SRGAP1: variants seen among roughly 807,000 people sequenced by gnomAD.
The protein encoded by SRGAP1 is SLIT-ROBO Rho GTPase activating protein 1.
In SRGAP1, 43 loss-of-function variants were observed where a neutral mutation model predicts 121.9. The ratio of observed to expected loss-of-function variants is 0.35; its 90% confidence interval spans 0.28 to 0.46. The LOEUF (loss-of-function observed/expected upper bound fraction) is 0.46. Among genes scored for constraint, SRGAP1 ranks in the 20% least tolerant of loss-of-function variants. The pLI, the probability that SRGAP1 is intolerant of heterozygous loss-of-function variation, is 1.00. For synonymous variants in SRGAP1, 447 were observed against 485.4 expected, an observed-to-expected ratio of 0.92 and a Z score of 1.04; for missense variants, 1,102 against 1,350.9, an observed-to-expected ratio of 0.82 and a Z score of 2.89.
chr12:64,041,889 A>ATTATTATTATTC (rs1181224625), intron 4 of SRGAP1, among the ~76,000 whole-genome samples: 1 of 144,066 alleles, frequency 6.9e-6, no homozygotes, highest in African/African-American at 2.6e-5. Context: ...TATTATTATT[A>ATTATTATTATTC]TTATTATTAT....
chr12:64,065,911 A>G (rs2035531934), intron 8 of SRGAP1, among the ~76,000 whole-genome samples: 1 of 152,242 alleles, frequency 6.6e-6, no homozygotes, highest in African/African-American at 2.4e-5. Flanking sequence ...AATGAATAGA[A>G]TATAAAATAT....
At chr12:63,939,324 C>T (rs923399186) in intron 1 of SRGAP1, among the ~76,000 whole-genome samples, 1 of 152,068 alleles carries the variant, frequency 6.6e-6, no homozygotes, top group East Asian at 1.9e-4. Context: ...CCTCCCTCCT[C>T]AGCAAGTTCC....
At chr12:64,120,034 G>C (rs1266050336) in intron 18 of SRGAP1, among the ~76,000 whole-genome samples, 1 of 152,008 alleles carries the variant, frequency 6.6e-6, no homozygotes, top group Non-Finnish European at 1.5e-5. Context: ...GCCTCCCAAA[G>C]TGCTGGGATT....
chr12:64,108,422 T>G lies in SRGAP1; in HGVS notation c.1814-510T>G, dbSNP rs1487812605. Among the ~76,000 whole-genome samples, 3 of 152,292 alleles carry G rather than the reference T, an allele frequency of 2.0e-5. No homozygotes were observed. In the East Asian group the frequency reaches 5.8e-4, roughly 29 times the overall value. The stretch of plus-strand genomic sequence containing the variant: ...TGAAACCTGGTGGGCTCTCCTAATA[T>G]TGATGGTATAATGTAATACAAGGTG... On this transcript the variant is annotated intron_variant, in intron 15 of 21. Coordinates refer to ENST00000355086, the MANE Select transcript of SRGAP1 (RefSeq NM_020762.4).
At chr12:64,127,503 C>T (rs544251635) in intron 19 of SRGAP1, 87 bp from the exon 20 acceptor site, 47 of 1,332,324 alleles carry the variant, frequency 3.5e-5, no homozygotes, top group African/African-American at 2.3e-4. Context: ...AATGCTATCA[C>T]GTAAATTTTC....
In SRGAP1 at chr12:64,126,188, G is replaced by T; in HGVS notation, c.2405+31G>T. ...TAGTCTCAACTTTGATTGCCTGAGTGCTCCCAATAGAGGACTCCAGCCATT... is the reference window on the plus strand; with the variant it reads ...TAGTCTCAACTTTGATTGCCTGAGTTCTCCCAATAGAGGACTCCAGCCATT... On this transcript the variant is annotated intron_variant, in intron 19 of 21. Coordinates refer to ENST00000355086, the MANE Select transcript of SRGAP1 (RefSeq NM_020762.4). 1.9e-6 allele frequency: 3 copies of T among 1,598,108 alleles called. No homozygotes were observed. In the South Asian group the frequency reaches 3.3e-5, roughly 18 times the overall value.
chr12:64,108,911 C>A, intron 15 of SRGAP1, 21 bp from the exon 16 acceptor site: 1 of 1,564,314 alleles, frequency 6.4e-7, no homozygotes, highest in Non-Finnish European at 8.7e-7. Context: ...GGACTCTGAC[C>A]ATGTCATCTT....
At chr12:63,966,918 T>C (rs11175218) in intron 1 of SRGAP1, among the ~76,000 whole-genome samples, 11,354 of 152,284 alleles carry the variant, frequency 0.075, 1,082 homozygotes, top group African/African-American at 0.23. Context: ...AAATTTCATA[T>C]ATGAGTATTC....
chr12:63,864,951 TAG>T (rs1899574034), intron 1 of SRGAP1, among the ~76,000 whole-genome samples: 1 of 151,950 alleles, frequency 6.6e-6, no homozygotes, highest in Non-Finnish European at 1.5e-5. Context: ...TTGGCTAAAA[TAG>T]AGATTGATAA....
intron 1 of SRGAP1, among the ~76,000 whole-genome samples, chr12:63,912,453 A>G (rs1592939696): frequency 6.6e-6 from 1 of 152,120 alleles, no homozygotes; most frequent in Admixed American, 6.6e-5. Context: ...TAAAAATATT[A>G]AAAATAAAAA....
chr12:64,086,922 A>T, intron 10 of SRGAP1, 77 bp from the exon 11 acceptor site: 1 of 1,053,588 alleles, frequency 9.5e-7, no homozygotes, highest in Non-Finnish European at 1.4e-6. Context: ...AAAATACCGG[A>T]TAGGAGATAC....
intron 1 of SRGAP1, among the ~76,000 whole-genome samples, chr12:63,941,729 A>G (rs1172265902): frequency 2.6e-5 from 4 of 151,834 alleles, no homozygotes; most frequent in East Asian, 1.9e-4. Flanking sequence ...TTTCTAACAT[A>G]TTTCTAGCAT....
At position 63,979,038 on chromosome 12, in the gene SRGAP1, C is replaced by CTTTT. The variant is rs34235730; in HGVS notation, c.68-4888_68-4885dup. 1.8e-3 allele frequency among the ~76,000 whole-genome samples: 144 copies of CTTTT among 82,150 alleles called. 1 individual carries two copies. The highest frequency in any genetic ancestry group is 2.3e-3 in the African/African-American group (48 of 20,614). The allele number at this position is 82,150 out of a possible 152,430, so 53.9% of individuals were successfully genotyped here. On this transcript the variant is annotated intron_variant, in intron 1 of 21. Transcript: ENST00000355086. ...GAAATGTCTGTTGAGACCCTTTGAC[C>CTTTT]TTTTTTTTTTTTTTTTTTTTTTTTG...
intron 3 of SRGAP1, among the ~76,000 whole-genome samples, chr12:63,999,467 G>A (rs568749761): frequency 1.3e-5 from 2 of 152,278 alleles, no homozygotes; most frequent in South Asian, 4.2e-4. Flanking sequence ...GCTCTTCCTT[G>A]GTTGTGGCAG....
At chr12:64,071,489 A>G (rs1320929836) in intron 8 of SRGAP1, among the ~76,000 whole-genome samples, 1 of 152,206 alleles carries the variant, frequency 6.6e-6, no homozygotes, top group Non-Finnish European at 1.5e-5. Flanking sequence ...TTAAGTTATC[A>G]CTGACTTCAA....
chr12:63,861,848 G>A lies in SRGAP1; in HGVS notation c.67+16965G>A, dbSNP rs182242661. ...TAAAAAATTTAAAAATTGGCCTGGCGCAGTGGCTCACGCCTGTAATCCCAG... is the reference window on the plus strand; with the variant it reads ...TAAAAAATTTAAAAATTGGCCTGGCACAGTGGCTCACGCCTGTAATCCCAG... On this transcript the variant is annotated intron_variant, in intron 1 of 21. Transcript: ENST00000355086. 2.9e-4 allele frequency among the ~76,000 whole-genome samples: 44 copies of A among 152,140 alleles called. No homozygotes were observed. In the East Asian group the frequency reaches 3.1e-3, roughly 11 times the overall value.
At chr12:64,070,547 C>T (rs1179760672) in intron 8 of SRGAP1, among the ~76,000 whole-genome samples, 3 of 152,164 alleles carry the variant, frequency 2.0e-5, no homozygotes, top group Non-Finnish European at 4.4e-5. Context: ...GGGGAATGTA[C>T]AATGAGAGAA....
intron 1 of SRGAP1, among the ~76,000 whole-genome samples, chr12:63,935,000 G>A (rs1175929875): frequency 2.0e-5 from 3 of 152,126 alleles, no homozygotes; most frequent in African/African-American, 7.2e-5. Flanking sequence ...GTCTTTGGGC[G>A]TTGTCATTAG....
intron 4 of SRGAP1, among the ~76,000 whole-genome samples, chr12:64,021,589 C>T (rs777030319): frequency 1.2e-4 from 18 of 152,178 alleles, no homozygotes; most frequent in Admixed American, 3.9e-4. Context: ...GCTGCAGAGC[C>T]TCTACCCTTT....
Sources: allele counts gnomAD v4.1 joint callset (sites outside exome capture counted in the v4.1 genomes callset), GRCh38; gene constraint gnomAD v4.1.1; transcripts MANE v1.5; gene names NCBI Gene and HGNC (gene_info 2026-07-23, HGNC 2026-07-21).